Variants in EHBP1 observed in about 807,000 individuals in gnomAD.
The protein encoded by EHBP1 is EH domain-binding protein 1.
EHBP1 carries 55 observed loss-of-function variants against 144.0 expected under a neutral mutation model. That is an observed-to-expected ratio of 0.38 (90% CI 0.31 to 0.48). The LOEUF is 0.48. Among genes scored for constraint, EHBP1 ranks in the 20% least tolerant of loss-of-function variants. The probability of loss-of-function intolerance (pLI) is 0.98; values close to 1 mark genes in which losing one functional copy is unlikely to be tolerated. For missense variants in EHBP1, 1,200 were observed against 1,364.2 expected (o/e 0.88, Z 1.90); for synonymous variants, 469 against 472.7 (o/e 0.99, Z 0.10).
At chr2:62,986,907 G>T (rs1388215056) in intron 15 of EHBP1, among the ~76,000 whole-genome samples, 1 of 152,034 alleles carries the variant, frequency 6.6e-6, no homozygotes, top group Non-Finnish European at 1.5e-5. Context: ...CAGATGTTGA[G>T]GGATTAAGCC....
At chr2:62,912,609 T>C (rs1246172599) in intron 10 of EHBP1, among the ~76,000 whole-genome samples, 1 of 152,172 alleles carries the variant, frequency 6.6e-6, no homozygotes, top group African/African-American at 2.4e-5. Flanking sequence ...TGCCCATCTT[T>C]CAAGTTGAGA....
At chr2:62,847,898 C>A (rs2421816) in intron 7 of EHBP1, among the ~76,000 whole-genome samples, 105,628 of 151,896 alleles carry the variant, frequency 0.7, 37,644 homozygotes, top group African/African-American at 0.86. Flanking sequence ...CATCAAAAAT[C>A]CATCACTTTT....
chr2:62,947,156 C>A (rs1406219892), intron 12 of EHBP1, among the ~76,000 whole-genome samples: 1 of 152,116 alleles, frequency 6.6e-6, no homozygotes, highest in African/African-American at 2.4e-5. Flanking sequence ...GAGTCATTCT[C>A]TCTAGTAAAT....
intron 5 of EHBP1, among the ~76,000 whole-genome samples, chr2:62,807,466 T>G (rs1276149639): frequency 6.6e-6 from 1 of 152,182 alleles, no homozygotes; most frequent in Non-Finnish European, 1.5e-5. Context: ...GAGAATCACT[T>G]GAACCCAGGA....
At chr2:62,708,073 T>G (rs2151806509) in intron 2 of EHBP1, among the ~76,000 whole-genome samples, 1 of 152,310 alleles carries the variant, frequency 6.6e-6, no homozygotes, top group Middle Eastern at 3.4e-3. Context: ...CTGCAGTGAT[T>G]AAGCAGTAAT....
At chr2:62,795,237 C>T (rs2043455627) in intron 5 of EHBP1, among the ~76,000 whole-genome samples, 1 of 152,014 alleles carries the variant, frequency 6.6e-6, no homozygotes, top group Admixed American at 6.6e-5. Context: ...TAACATTCTC[C>T]TGCCTCTTCC....
chr2:62,972,390 G>C (rs574618462), intron 14 of EHBP1, among the ~76,000 whole-genome samples: 1 of 152,182 alleles, frequency 6.6e-6, no homozygotes, highest in Admixed American at 6.5e-5. Context: ...AAAATGCATA[G>C]ATTTTATTGC....
chr2:62,701,701 T>A (rs1468781053), upstream of EHBP1, among the ~76,000 whole-genome samples: 1 of 152,028 alleles, frequency 6.6e-6, no homozygotes, highest in East Asian at 1.9e-4. Flanking sequence ...ACAGAAACCA[T>A]CAGTTAAAAT....
At position 62,833,200 on chromosome 2, in the gene EHBP1, G is replaced by A. The variant is rs150938796; in HGVS notation, c.634+2042G>A. ...CAATTCTGTGAAAGCTGAGAAAGGC[G>A]AGGAAGCTGCAGAAGAAAAGTTTGA... On this transcript the variant is annotated intron_variant, in intron 7 of 22. Coordinates refer to ENST00000431489, the MANE Select transcript of EHBP1 (RefSeq NM_001142616.3). Among the ~76,000 whole-genome samples the A allele has an allele frequency of 5.1e-4, 77 of 152,306 alleles. 1 individual carries two copies. The highest frequency in any genetic ancestry group is 1.6e-3 in the African/African-American group (68 of 41,560).
chr2:62,964,773 G>T (rs1424904081), intron 14 of EHBP1, among the ~76,000 whole-genome samples: 3 of 152,178 alleles, frequency 2.0e-5, no homozygotes, highest in Admixed American at 2.0e-4. Context: ...CTCCAGCAGT[G>T]ATTAAATTGG....
At chr2:62,743,209 A>G (rs1293245442) in intron 2 of EHBP1, among the ~76,000 whole-genome samples, 1 of 152,104 alleles carries the variant, frequency 6.6e-6, no homozygotes, top group African/African-American at 2.4e-5. Context: ...TTTTCTAGTA[A>G]ATAGACATAC....
intron 2 of EHBP1, among the ~76,000 whole-genome samples, chr2:62,726,981 G>C (rs902121986): frequency 2.0e-5 from 3 of 152,124 alleles, no homozygotes; most frequent in Admixed American, 2.0e-4. Context: ...TCCTGCCTCA[G>C]CCTCCTGAGT....
rs751305005 is a variant in EHBP1, at chr2:62,979,261, T to G, written c.2534T>G (p.Val845Gly). The G allele has an allele frequency of 6.2e-6, 10 of 1,613,630 alleles. No individual in the cohort carries two copies. The Admixed American group carries it at 1.3e-4, about 22-fold the overall frequency. Residue 845 changes from valine to glycine, a missense_variant, in exon 15 of 23, where the codon GTG (valine) becomes GGG (glycine). Physicochemically the swap from Val to Gly is moderately radical, Grantham distance 109 (BLOSUM62 -3). Coordinates refer to ENST00000431489, the MANE Select transcript of EHBP1 (RefSeq NM_001142616.3). ...CTAATAGCAGAAGCTCGATCTGGAG[T>G]GAAGATGTCAGAACTTCCCAGCTAT... ...RQLIAEARSG[V>G]KMSELPSYGE... is the part of the protein sequence containing the mutation.
intron 19 of EHBP1, among the ~76,000 whole-genome samples, chr2:63,019,214 A>G (rs771690418): frequency 3.3e-5 from 5 of 152,340 alleles, no homozygotes; most frequent in African/African-American, 1.2e-4. Context: ...CTTCTAGGCA[A>G]TTCTAATACA....
rs143903453 is a variant in EHBP1, at chr2:62,757,895, C to T, written c.163-6371C>T. On this transcript the variant is annotated intron_variant, in intron 3 of 22. Transcript: ENST00000431489. The stretch of plus-strand genomic sequence containing the variant: ...AAATAATAGGACGCCTTCTGTAGTC[C>T]CTGCTACTCGGGAGGTTGAGGCAGG... Among the ~76,000 whole-genome samples the T allele has an allele frequency of 5.3e-5, 8 of 151,826 alleles. No individual in the cohort carries two copies. In the East Asian group the frequency reaches 1.4e-3, roughly 26 times the overall value.
intron 5 of EHBP1, among the ~76,000 whole-genome samples, chr2:62,818,794 G>C (rs1004032092): frequency 2.0e-5 from 3 of 151,966 alleles, no homozygotes; most frequent in Non-Finnish European, 2.9e-5. Context: ...AATCATTTGG[G>C]AACAAAGGAG....
At chr2:62,897,290 G>A (rs955062442) in intron 10 of EHBP1, among the ~76,000 whole-genome samples, 2 of 152,152 alleles carry the variant, frequency 1.3e-5, no homozygotes, top group African/African-American at 4.8e-5. Flanking sequence ...TATATGGAGA[G>A]CTTCCTTATT....
chr2:62,909,855 T>C (rs1025799108), intron 10 of EHBP1, among the ~76,000 whole-genome samples: 7 of 152,126 alleles, frequency 4.6e-5, no homozygotes, highest in African/African-American at 1.7e-4. Flanking sequence ...CCTCTCGGGT[T>C]CAAGTGATTC....
intron 10 of EHBP1, among the ~76,000 whole-genome samples, chr2:62,879,596 CAG>C (rs111441984): frequency 8.6e-4 from 121 of 140,402 alleles, no homozygotes; most frequent in Admixed American, 1.0e-3. Flanking sequence ...CACACAGAGA[CAG>C]AGAGAGAGAG....
Sources: gnomAD v4.1 joint callset for allele counts (sites outside exome capture counted in the v4.1 genomes callset) on GRCh38, gnomAD v4.1.1 for gene constraint, MANE v1.5 for transcripts, NCBI Gene and HGNC (gene_info 2026-07-23, HGNC 2026-07-21) for gene names.